VAV3: variants seen among roughly 807,000 people sequenced by gnomAD.
VAV3 encodes vav guanine nucleotide exchange factor 3.
In VAV3, 94 loss-of-function variants were observed where a neutral mutation model predicts 131.2. The ratio of observed to expected loss-of-function variants is 0.72; its 90% CI spans 0.61 to 0.85. The LOEUF is 0.85. Ranked by LOEUF, VAV3 falls within the 40% of genes least tolerant of loss-of-function variation. The pLI is 0.00. For synonymous variants in VAV3, 349 were observed against 342.0 expected, an observed-to-expected ratio of 1.02 and a Z score of -0.22; for missense variants, 939 against 1,002.7, an observed-to-expected ratio of 0.94 and a Z score of 0.86.
rs557354205 is a variant in VAV3, at chr1:107,795,324, C to T, written c.322-15832G>A. ...CTTTAAACCCTTGCCACAATGGCAACCTTAACATATCCTCGGTGCTATATA... is the reference window on the plus strand; with the variant it reads ...CTTTAAACCCTTGCCACAATGGCAATCTTAACATATCCTCGGTGCTATATA... On this transcript the variant is annotated intron_variant, in intron 2 of 26. Transcript: ENST00000370056. Among the ~76,000 whole-genome samples, 68 of 152,336 alleles carry T rather than the reference C, an allele frequency of 4.5e-4. 1 individual carries two copies. Among genetic ancestry groups the T allele is most frequent in the African/African-American group, 1.6e-3 (67 of 41,582 alleles).
intron 17 of VAV3, among the ~76,000 whole-genome samples, chr1:107,689,510 C>CT (rs1010705944): frequency 2.8e-4 from 41 of 148,956 alleles, no homozygotes; most frequent in African/African-American, 5.4e-4. Context: ...TTCTCTCTAG[C>CT]TTTTTTTTTT....
chr1:107,596,480 T>C (rs990748710), intron 24 of VAV3, 139 bp from the exon 25 acceptor site: 26 of 830,674 alleles, frequency 3.1e-5, no homozygotes, highest in Non-Finnish European at 4.3e-5. Flanking sequence ...ATTAAGCAAA[T>C]GATAATCTCT....
intron 18 of VAV3, 141 bp from the exon 19 acceptor site, chr1:107,683,674 T>C: frequency 1.2e-6 from 1 of 827,058 alleles, no homozygotes; most frequent in Non-Finnish European, 2.0e-6. Flanking sequence ...TTGATCAGAA[T>C]ATGGTTTTAA....
chr1:107,942,266 C>G (rs1390798037), intron 1 of VAV3, among the ~76,000 whole-genome samples: 1 of 152,096 alleles, frequency 6.6e-6, no homozygotes, highest in Non-Finnish European at 1.5e-5. Flanking sequence ...GAAGAAAGTA[C>G]CCCTCCAGGA....
Position 107,576,138 on chromosome 1 carries a change from C to T in VAV3, c.2351-1940G>A, listed in dbSNP as rs565899364. Among the ~76,000 whole-genome samples, 11 of 152,040 alleles carry T rather than the reference C, an allele frequency of 7.2e-5. No individual in the cohort carries two copies. The East Asian group carries it at 2.1e-3, about 29-fold the overall frequency. The stretch of plus-strand genomic sequence containing the variant: ...CCCCCTTTATACTTTCAGCCCCATC[C>T]CTCTGCAAACTCTCCCCAACAGATA... On this transcript the variant is annotated intron_variant, in intron 25 of 26. Coordinates refer to ENST00000370056, the MANE Select transcript of VAV3 (RefSeq NM_006113.5).
intron 2 of VAV3, among the ~76,000 whole-genome samples, chr1:107,800,369 C>G (rs1054827718): frequency 2.0e-5 from 3 of 152,044 alleles, no homozygotes. Context: ...ATTCCCTGCC[C>G]TTGTTATAAA....
chr1:107,841,575 G>T (rs1668711326), intron 2 of VAV3, among the ~76,000 whole-genome samples: 2 of 152,112 alleles, frequency 1.3e-5, no homozygotes, highest in Non-Finnish European at 2.9e-5. Flanking sequence ...TTTAAAATAG[G>T]TATCATTAAC....
chr1:107,716,072 C>CA (rs1661073693), intron 15 of VAV3, among the ~76,000 whole-genome samples: 1 of 152,038 alleles, frequency 6.6e-6, no homozygotes, highest in African/African-American at 2.4e-5. Flanking sequence ...TGATTATGTA[C>CA]AAAAAAGGTG....
chr1:107,623,307 T>C (rs563114744), intron 20 of VAV3, among the ~76,000 whole-genome samples: 5 of 152,248 alleles, frequency 3.3e-5, no homozygotes, highest in South Asian at 4.1e-4. Context: ...TGAAAGTACT[T>C]TGCAAATGCT....
intron 21 of VAV3, among the ~76,000 whole-genome samples, chr1:107,614,989 C>G (rs972320789): frequency 2.0e-5 from 3 of 152,082 alleles, no homozygotes; most frequent in South Asian, 2.1e-4. Context: ...AGATAGGAAG[C>G]CTGAATCTTG....
chr1:107,932,501 C>G (rs1272192144), intron 1 of VAV3, among the ~76,000 whole-genome samples: 5 of 152,200 alleles, frequency 3.3e-5, no homozygotes, highest in Non-Finnish European at 7.3e-5. Context: ...TCCATAGGGT[C>G]TATGCTGCAA....
intron 25 of VAV3, among the ~76,000 whole-genome samples, chr1:107,579,725 A>G (rs1649901162): frequency 6.6e-6 from 1 of 152,168 alleles, no homozygotes; most frequent in Non-Finnish European, 1.5e-5. Context: ...CTATTTGCTA[A>G]ATTATGAAAT....
At chr1:107,778,363 G>GT (rs1665484317) in intron 3 of VAV3, among the ~76,000 whole-genome samples, 1 of 151,566 alleles carries the variant, frequency 6.6e-6, no homozygotes, top group African/African-American at 2.4e-5. Flanking sequence ...TTTGACTTAC[G>GT]TTTTTTCAGA....
intron 1 of VAV3, among the ~76,000 whole-genome samples, chr1:107,932,775 T>C (rs1310415069): frequency 2.6e-5 from 4 of 152,164 alleles, no homozygotes; most frequent in Non-Finnish European, 5.9e-5. Context: ...ATTACAGTGA[T>C]GTGATTTGAA....
chr1:107,639,171 A>C (rs1056436753), intron 20 of VAV3, among the ~76,000 whole-genome samples: 3 of 152,018 alleles, frequency 2.0e-5, no homozygotes, highest in South Asian at 2.1e-4. Context: ...ACAAAAAAAA[A>C]CCTCAAAATG....
At chr1:107,914,100 A>G (rs1672500540) in intron 1 of VAV3, among the ~76,000 whole-genome samples, 2 of 152,226 alleles carry the variant, frequency 1.3e-5, no homozygotes, top group Non-Finnish European at 2.9e-5. Flanking sequence ...TGGTTTTTAT[A>G]TAACTGCAAA....
chr1:107,813,327 A>G (rs1667411170), intron 2 of VAV3, among the ~76,000 whole-genome samples: 1 of 152,160 alleles, frequency 6.6e-6, no homozygotes, highest in Non-Finnish European at 1.5e-5. Context: ...CCTTCTAGAC[A>G]GGAGACAGCA....
chr1:107,623,621 G>C (rs1251290970), intron 20 of VAV3, among the ~76,000 whole-genome samples: 1 of 152,160 alleles, frequency 6.6e-6, no homozygotes, highest in Admixed American at 6.5e-5. Flanking sequence ...CCTATATGAT[G>C]AGTAAGATAT....
chr1:107,636,287 C>A (rs1654925329), intron 20 of VAV3, among the ~76,000 whole-genome samples: 1 of 152,140 alleles, frequency 6.6e-6, no homozygotes, highest in African/African-American at 2.4e-5. Flanking sequence ...AATAGAAACT[C>A]CACAGTGGAG....
Sources: gnomAD v4.1 joint callset for allele counts (sites outside exome capture counted in the v4.1 genomes callset) on GRCh38, gnomAD v4.1.1 for gene constraint, MANE v1.5 for transcripts, NCBI Gene and HGNC (gene_info 2026-07-23, HGNC 2026-07-21) for gene names.